The following OFD1 variants were observed in gnomAD, a reference collection of about 807,000 sequenced individuals.
The protein encoded by OFD1 is centriole and centriolar satellite protein OFD1.
In OFD1, 12 loss-of-function variants were observed where a neutral mutation model predicts 81.4. The ratio of observed to expected loss-of-function variants is 0.15; its 90% CI spans 0.09 to 0.24. The LOEUF is 0.24. Ranked by LOEUF, OFD1 falls within the 10% of genes least tolerant of loss-of-function variation. The probability of loss-of-function intolerance (pLI) is 1.00; values close to 1 mark genes in which losing one functional copy is unlikely to be tolerated. For missense variants in OFD1, 685 were observed against 733.9 expected, an observed-to-expected ratio of 0.93 and a Z score of 0.77; for synonymous variants, 256 against 263.7, an observed-to-expected ratio of 0.97 and a Z score of 0.28.
upstream of OFD1, among the ~76,000 whole-genome samples, chrX:13,730,220 T>G (rs2046644892): frequency 9.5e-6 from 1 of 105,665 alleles, no homozygotes; most frequent in African/African-American, 3.6e-5. Context: ...CAAACAAATT[T>G]ATAAGAAAAA....
At chrX:13,752,227 G>A (rs1400553883) in intron 10 of OFD1, among the ~76,000 whole-genome samples, 1 of 112,323 alleles carries the variant, frequency 8.9e-6, no homozygotes, top group Non-Finnish European at 1.9e-5. Context: ...CTTTTCTGTA[G>A]TCTGAGTTTT....
chrX:13,773,131 T>A, downstream of OFD1: 1 of 658,079 alleles, frequency 1.5e-6, no homozygotes, highest in Non-Finnish European at 2.3e-6. Context: ...GGGCGAAGGT[T>A]AATTCTGTAT....
intron 13 of OFD1, 94 bp from the exon 14 acceptor site, chrX:13,757,566 A>G (rs957023258): frequency 5.9e-5 from 56 of 948,485 alleles, no homozygotes; most frequent in Non-Finnish European, 7.7e-5. Flanking sequence ...AGCAAAGAAC[A>G]CTTTAAAACC....
At chrX:13,716,327 T>TAA in the OFD1 span, 1 of 563,332 alleles carries the variant, frequency 1.8e-6, no homozygotes, top group Non-Finnish European at 2.8e-6. Context: ...TAAACTCTTT[T>TAA]TGTGTATGAG....
chrX:13,772,733 T>C, downstream of OFD1: 1 of 442,186 alleles, frequency 2.3e-6, no homozygotes, highest in Non-Finnish European at 3.6e-6. Context: ...AAGGTTTTCC[T>C]AGAGATACAT....
chrX:13,739,264 T>G, intron 5 of OFD1: 1 of 328,775 alleles, frequency 3.0e-6, no homozygotes, highest in African/African-American at 2.7e-5. Flanking sequence ...AGATACTGTT[T>G]GTAAAAATAC....
At chrX:13,751,142 T>G (rs1438777105) in intron 9 of OFD1, 107 bp from the exon 10 acceptor site, 1 of 720,514 alleles carries the variant, frequency 1.4e-6, no homozygotes, top group Non-Finnish European at 2.1e-6. Flanking sequence ...AGTAGTGATA[T>G]CATGTAGCAG....
the OFD1 span, among the ~76,000 whole-genome samples, chrX:13,724,647 T>C: frequency 8.9e-6 from 1 of 111,885 alleles, no homozygotes; most frequent in Non-Finnish European, 1.9e-5. Flanking sequence ...GATGGCCAAA[T>C]AGGAACACCT....
At chrX:13,754,963 T>C (rs1300739385) in intron 11 of OFD1, among the ~76,000 whole-genome samples, 188 bp from the exon 12 acceptor site, 1 of 112,711 alleles carries the variant, frequency 8.9e-6, no homozygotes, top group African/African-American at 3.2e-5. Context: ...TTTCACCACA[T>C]ATATGACAGT....
In OFD1 at chrX:13,762,267, A is replaced by G. The variant is rs1602915179; in HGVS notation, c.2388-77A>G. The stretch of plus-strand genomic sequence containing the variant: ...ATTTTGTAGAGCCTTTTCTTGAGTC[A>G]CAAAAGGCTTTTTGTCACCTTGTAC... On this transcript the variant is annotated intron_variant, in intron 17 of 22. Transcript: ENST00000340096. 7.6e-6 allele frequency: 5 copies of G among 655,218 alleles called. No homozygotes were observed. The East Asian group carries it at 1.6e-4, about 21-fold the overall frequency. The allele number at this position is 655,218 out of a possible 1,213,427, so 54.0% of individuals were successfully genotyped here. A position where few individuals can be genotyped will look rare whatever the true frequency, so the allele number is the denominator to read the frequency against.
At chrX:13,756,921 C>T (rs1330837900) in intron 13 of OFD1, among the ~76,000 whole-genome samples, 154 bp downstream of exon 13, 1 of 112,080 alleles carries the variant, frequency 8.9e-6, no homozygotes, top group East Asian at 2.8e-4. Flanking sequence ...GCAAACCTGC[C>T]TATAGGTGGT....
chrX:13,748,639 C>A (rs954932465), intron 8 of OFD1, among the ~76,000 whole-genome samples: 1 of 111,821 alleles, frequency 8.9e-6, no homozygotes, highest in African/African-American at 3.3e-5. Flanking sequence ...TGTGAACACA[C>A]AAATGGAAGG....
chrX:13,747,535 C>T (rs752900424), intron 8 of OFD1, among the ~76,000 whole-genome samples: 2 of 111,716 alleles, frequency 1.8e-5, no homozygotes, highest in Non-Finnish European at 3.8e-5. Context: ...CCTACTTAAT[C>T]GAAGATTCTG....
At chrX:13,758,528 A>G in intron 15 of OFD1, 80 bp downstream of exon 15, 3 of 552,184 alleles carry the variant, frequency 5.4e-6, no homozygotes, top group East Asian at 7.1e-5. Context: ...ATCATAATTT[A>G]TTGAATATTA....
At chrX:13,740,288 A>G (rs1050757889) in intron 5 of OFD1, 17 of 559,152 alleles carry the variant, frequency 3.0e-5, no homozygotes, top group Non-Finnish European at 3.9e-5. Flanking sequence ...GTCTGTGTCT[A>G]TGCTGTTTAA....
At position 13,758,380 on chromosome X, in the gene OFD1, A is replaced by G; in HGVS notation, c.1586A>G (p.Lys529Arg). The G allele has an allele frequency of 8.3e-7, 1 of 1,208,140 alleles. No homozygotes were observed. The highest frequency in any genetic ancestry group is 1.1e-6 in the Non-Finnish European group (1 of 892,600). ...CTGAAGGCCCAGATTCTAGGTTACA[A>G]AGCTTCTGTAAAGAGTTTAACTACT... is the stretch of plus-strand genomic sequence containing the variant. ...AQLKAQILGY[K>R]ASVKSLTTQV... The change falls in exon 15 of 23, where the codon AAA becomes AGA. Residue 529 changes from lysine to arginine, a missense_variant. Physicochemically the swap from Lys to Arg is conservative, Grantham distance 26. This residue lies in a region of OFD1 where 414 missense variants were observed against 447.2 expected (regional missense o/e 0.93). Coordinates refer to ENST00000340096, the MANE Select transcript of OFD1 (RefSeq NM_003611.3).
the OFD1 span, among the ~76,000 whole-genome samples, chrX:13,724,303 C>A: frequency 1.9e-5 from 2 of 107,011 alleles, no homozygotes; most frequent in Non-Finnish European, 1.9e-5. Flanking sequence ...AAGTAGGACA[C>A]TAACTAGTAA....
chrX:13,734,805 C>T lies in OFD1; in HGVS notation c.-267C>T. On this transcript the variant is annotated 5_prime_UTR_variant, in exon 1 of 23. Transcript: ENST00000340096. ...TCAGTCCCTAGTGTCTGGGTCCCCGCCCTCCAGCCGCCTTTGAGTCGTGCC... is the reference window on the plus strand; with the variant it reads ...TCAGTCCCTAGTGTCTGGGTCCCCGTCCTCCAGCCGCCTTTGAGTCGTGCC... 1 of 1,075,362 alleles carries T rather than the reference C, an allele frequency of 9.3e-7. No homozygotes were observed. Among genetic ancestry groups the T allele is most frequent in the Admixed American group, 3.9e-5 (1 of 25,559 alleles). 88.6% of individuals were successfully genotyped at this position (1,075,362 alleles called of 1,213,427 possible).
At chrX:13,771,376 T>G (rs1859990555), downstream of OFD1, 1 of 95,253 alleles carries the variant, frequency 1.0e-5, no homozygotes, top group South Asian at 6.0e-4. Flanking sequence ...AGAAGAGAGC[T>G]TCTCTTAATT....
Sources: allele counts gnomAD v4.1 joint callset (sites outside exome capture counted in the v4.1 genomes callset), GRCh38; gene constraint gnomAD v4.1.1; regional missense constraint gnomAD v4.1.1; transcripts MANE v1.5; gene names NCBI Gene and HGNC (gene_info 2026-07-23, HGNC 2026-07-21).